Variants in PTPRD observed in about 807,000 individuals in gnomAD.
PTPRD encodes the protein protein tyrosine phosphatase receptor type D, also known as receptor-type tyrosine-protein phosphatase delta.
Under a neutral mutation model 214.5 loss-of-function variants are expected in PTPRD, and 34 were observed. That is an observed-to-expected ratio of 0.16 (90% CI 0.12 to 0.21). PTPRD has a LOEUF of 0.21. PTPRD is among the 10% of genes least tolerant of loss of function. The pLI is 1.00. For missense variants in PTPRD, 2,545 were observed against 2,398.7 expected, an observed-to-expected ratio of 1.06 and a Z score of -1.27; for synonymous variants, 1,128 against 845.7, an observed-to-expected ratio of 1.33 and a Z score of -5.79.
intron 35 of PTPRD, among the ~76,000 whole-genome samples, chr9:8,424,518 G>A (rs58050119): frequency 6.6e-6 from 1 of 152,042 alleles, no homozygotes; most frequent in Non-Finnish European, 1.5e-5. Context: ...CTGGCACATG[G>A]TAAGTGCTAT....
intron 3 of PTPRD, among the ~76,000 whole-genome samples, chr9:10,242,603 G>T (rs1459096164): frequency 1.2e-5 from 1 of 85,496 alleles, no homozygotes; most frequent in African/African-American, 4.1e-5. Context: ...GGCAGGCATT[G>T]AATACATTTT....
chr9:10,248,109 G>C (rs1298626049), intron 3 of PTPRD, among the ~76,000 whole-genome samples: 3 of 152,140 alleles, frequency 2.0e-5, no homozygotes, highest in Non-Finnish European at 4.4e-5. Context: ...CCCCAGCCAT[G>C]TGGAACTGTA....
chr9:10,271,534 CTT>C lies in PTPRD; in HGVS notation c.-545+69427_-545+69428del, dbSNP rs1251429330. ...CCAATACTGATAAATTCAATTGTTT[CTT>C]TTCTTTTCTTTTCTTTTTTTTTTTG... On this transcript the variant is annotated intron_variant, in intron 3 of 45. Transcript: ENST00000381196. Among the ~76,000 whole-genome samples the C allele has an allele frequency of 5.2e-3, 448 of 86,658 alleles. 6 individuals carry two copies. Among genetic ancestry groups the C allele is most frequent in the Non-Finnish European group, 8.6e-3 (288 of 33,640 alleles). 56.9% of individuals were successfully genotyped at this position (86,658 alleles called of 152,430 possible). A position where few individuals can be genotyped will look rare whatever the true frequency, so the allele number is the denominator to read the frequency against.
chr9:10,063,311 C>T (rs2097811229), intron 3 of PTPRD, among the ~76,000 whole-genome samples: 1 of 152,058 alleles, frequency 6.6e-6, no homozygotes, highest in Non-Finnish European at 1.5e-5. Context: ...AAGCATTTCT[C>T]ATCCTTTCTT....
At chr9:10,608,190 A>G (rs2079994672) in intron 2 of PTPRD, among the ~76,000 whole-genome samples, 1 of 152,070 alleles carries the variant, frequency 6.6e-6, no homozygotes, top group Non-Finnish European at 1.5e-5. Flanking sequence ...AATAGCATAC[A>G]TAGAGATTTC....
chr9:10,561,118 T>C (rs746374357), intron 2 of PTPRD, among the ~76,000 whole-genome samples: 3 of 152,090 alleles, frequency 2.0e-5, no homozygotes, highest in Admixed American at 6.6e-5. Context: ...AACAGTAGCA[T>C]TGTATTTTAG....
chr9:10,342,233 T>C (rs983742111), intron 2 of PTPRD, among the ~76,000 whole-genome samples: 1 of 152,192 alleles, frequency 6.6e-6, no homozygotes, highest in South Asian at 2.1e-4. Flanking sequence ...TACTGGCCTG[T>C]GTCACTTATA....
chr9:8,936,593 A>G (rs947890514), intron 11 of PTPRD, among the ~76,000 whole-genome samples: 1 of 152,106 alleles, frequency 6.6e-6, no homozygotes, highest in Non-Finnish European at 1.5e-5. Context: ...TGCTTTGAGG[A>G]ACTGGAAACT....
chr9:8,915,333 T>C (rs1195418450), intron 11 of PTPRD, among the ~76,000 whole-genome samples: 6 of 152,078 alleles, frequency 3.9e-5, no homozygotes, highest in African/African-American at 1.4e-4. Flanking sequence ...AACACTAATA[T>C]AAGTAAAAGA....
Position 8,465,600 on chromosome 9 carries a change from C to T in PTPRD, c.3580G>A (p.Ala1194Thr), listed in dbSNP as rs1427192894. The T allele has an allele frequency of 6.2e-7, 1 of 1,612,390 alleles. No homozygotes were observed. The highest frequency in any genetic ancestry group is 8.5e-7 in the Non-Finnish European group (1 of 1,178,960). The stretch of plus-strand genomic sequence containing the variant: ...TCAGTGGGAAGGACATCAAAGTGAG[C>T]GGCAATATATGGCTTTAATTCAACT... Reference protein sequence around the residue: ...REVELKPYIAAHFDVLPTEFT... With the variant: ...REVELKPYIATHFDVLPTEFT... The change falls in exon 32 of 46, where the codon GCT becomes ACT. Residue 1194 changes from alanine (A) to threonine (T), a missense_variant. Transcript: ENST00000381196.
intron 3 of PTPRD, among the ~76,000 whole-genome samples, chr9:10,251,434 A>T (rs1197728575): frequency 6.6e-6 from 1 of 151,500 alleles, no homozygotes; most frequent in African/African-American, 2.4e-5. Context: ...AGTGAGTAGG[A>T]TTATCAGATC....
chr9:10,391,580 T>A (rs1659356257), intron 2 of PTPRD, among the ~76,000 whole-genome samples: 2 of 151,702 alleles, frequency 1.3e-5, no homozygotes, highest in South Asian at 4.1e-4. Context: ...TCTGTCAACA[T>A]TTCCTTTAAA....
At chr9:8,353,397 T>A (rs1462314282) in intron 39 of PTPRD, among the ~76,000 whole-genome samples, 1 of 146,532 alleles carries the variant, frequency 6.8e-6, no homozygotes, top group Non-Finnish European at 1.5e-5. Flanking sequence ...TGAATCAGTA[T>A]GCCTATTTAT....
At chr9:9,656,990 T>C (rs954354382) in intron 7 of PTPRD, among the ~76,000 whole-genome samples, 1 of 152,090 alleles carries the variant, frequency 6.6e-6, no homozygotes, top group Non-Finnish European at 1.5e-5. Context: ...AAGACAAAAG[T>C]ATGCAAGAGT....
intron 7 of PTPRD, among the ~76,000 whole-genome samples, chr9:9,645,604 T>C (rs912336149): frequency 1.3e-5 from 2 of 151,878 alleles, no homozygotes; most frequent in African/African-American, 4.8e-5. Flanking sequence ...CAATGGCTGC[T>C]ACAAAACAAA....
intron 5 of PTPRD, among the ~76,000 whole-genome samples, chr9:9,905,225 GCTC>G (rs1450789632): frequency 1.3e-4 from 19 of 151,720 alleles, no homozygotes; most frequent in African/African-American, 4.6e-4. Flanking sequence ...ATCTTCTGTA[GCTC>G]CTCATTTACT....
At chr9:10,301,860 C>T (rs2154407332) in intron 3 of PTPRD, among the ~76,000 whole-genome samples, 1 of 152,236 alleles carries the variant, frequency 6.6e-6, no homozygotes, top group Admixed American at 6.5e-5. Context: ...GGGTATTATC[C>T]AGGAAAACTT....
At chr9:8,886,157 C>T (rs1351345088) in intron 11 of PTPRD, among the ~76,000 whole-genome samples, 4 of 152,156 alleles carry the variant, frequency 2.6e-5, no homozygotes, top group African/African-American at 9.7e-5. Context: ...CTGATTTGTT[C>T]ATAAGCCAGA....
At chr9:9,628,207 T>C (rs2095481808) in intron 7 of PTPRD, among the ~76,000 whole-genome samples, 1 of 152,196 alleles carries the variant, frequency 6.6e-6, no homozygotes, top group Admixed American at 6.5e-5. Flanking sequence ...TGGCCCCAGT[T>C]TGGTCTCTCC....
Sources: gnomAD v4.1 joint callset for allele counts (sites outside exome capture counted in the v4.1 genomes callset) on GRCh38, gnomAD v4.1.1 for gene constraint, MANE v1.5 for transcripts, NCBI Gene and HGNC (gene_info 2026-07-23, HGNC 2026-07-21) for gene names.